Variants in FOXP1 observed in about 807,000 individuals in gnomAD.
The protein encoded by FOXP1 is forkhead box protein P1.
Under a neutral mutation model 98.2 loss-of-function variants are expected in FOXP1, and 15 were observed. That is an observed-to-expected ratio of 0.15 (90% CI 0.10 to 0.24). The LOEUF (loss-of-function observed/expected upper bound fraction) is 0.24. Among genes scored for constraint, FOXP1 ranks in the 10% least tolerant of loss-of-function variants. The pLI, the probability that FOXP1 is intolerant of heterozygous loss-of-function variation, is 1.00. For synonymous variants in FOXP1, 371 were observed against 314.5 expected, an observed-to-expected ratio of 1.18 and a Z score of -1.90; for missense variants, 633 against 848.5, an observed-to-expected ratio of 0.75 and a Z score of 3.15.
At chr3:71,066,371 A>G (rs2052513074) in intron 7 of FOXP1, among the ~76,000 whole-genome samples, 1 of 152,196 alleles carries the variant, frequency 6.6e-6, no homozygotes, top group South Asian at 2.1e-4. Flanking sequence ...TCTTCACCCT[A>G]AAGTGTTTTT....
intron 4 of FOXP1, among the ~76,000 whole-genome samples, chr3:71,320,814 C>A (rs559847284): frequency 2.0e-5 from 3 of 152,264 alleles, no homozygotes; most frequent in South Asian, 4.1e-4. Flanking sequence ...CTCCCTACTA[C>A]AATGGTTCAG....
chr3:71,263,318 AC>A (rs1299740975), intron 5 of FOXP1, among the ~76,000 whole-genome samples: 4 of 152,200 alleles, frequency 2.6e-5, no homozygotes, highest in Admixed American at 6.5e-5. Context: ...CCTGTGCAAC[AC>A]CACGAAAGCC....
At chr3:71,036,473 A>C (rs927974746) in intron 11 of FOXP1, among the ~76,000 whole-genome samples, 1 of 152,220 alleles carries the variant, frequency 6.6e-6, no homozygotes. Context: ...TGAATCCGAG[A>C]AATACTCGAG....
intron 19 of FOXP1, among the ~76,000 whole-genome samples, chr3:70,967,187 A>G (rs2034985769): frequency 6.6e-6 from 1 of 152,230 alleles, no homozygotes; most frequent in Non-Finnish European, 1.5e-5. Flanking sequence ...CAGTCATACA[A>G]GAGTCCGAAC....
chr3:71,405,748 G>C (rs1449184182), intron 3 of FOXP1, among the ~76,000 whole-genome samples: 1 of 151,400 alleles, frequency 6.6e-6, no homozygotes, highest in African/African-American at 2.4e-5. Context: ...ATTTTTTTGA[G>C]ATGGAGTTTC....
chr3:71,389,254 C>CGGGG lies in FOXP1; in HGVS notation c.-167-30014_-167-30011dup, dbSNP rs1560413261. Among the ~76,000 whole-genome samples the CGGGG allele has an allele frequency of 5.0e-3, 30 of 6,058 alleles. 1 individual carries two copies. Among genetic ancestry groups the CGGGG allele is most frequent in the African/African-American group, 0.01 (20 of 1,936 alleles). 4.0% of individuals were successfully genotyped at this position (6,058 alleles called of 152,430 possible). The stretch of plus-strand genomic sequence containing the variant: ...TGTAAGCGGCGGGGGGGGGGGGGGC[C>CGGGG]GGGGGGGGCGGGTTATAAATTTCAC... On this transcript the variant is annotated intron_variant, in intron 3 of 20. Transcript: ENST00000649528.
At chr3:71,511,715 T>G (rs1029238285) in intron 2 of FOXP1, among the ~76,000 whole-genome samples, 1 of 152,218 alleles carries the variant, frequency 6.6e-6, no homozygotes, top group Admixed American at 6.5e-5. Flanking sequence ...AATGATCACT[T>G]ATAGCAATCC....
intron 11 of FOXP1, among the ~76,000 whole-genome samples, chr3:71,039,619 C>G (rs2048064922): frequency 2.0e-5 from 3 of 152,156 alleles, no homozygotes; most frequent in Admixed American, 2.0e-4. Context: ...TGGCCTCCTG[C>G]TCTGCCTATG....
intron 3 of FOXP1, among the ~76,000 whole-genome samples, chr3:71,412,751 C>A (rs938135578): frequency 1.3e-5 from 2 of 152,146 alleles, no homozygotes; most frequent in Non-Finnish European, 2.9e-5. Context: ...CTGACTTACC[C>A]CCACCTCTCC....
At chr3:71,538,293 G>A (rs568738745) in intron 2 of FOXP1, among the ~76,000 whole-genome samples, 1 of 152,294 alleles carries the variant, frequency 6.6e-6, no homozygotes, top group South Asian at 2.1e-4. Flanking sequence ...ACCCCCAAAA[G>A]AGATCCTATA....
At chr3:71,168,209 G>A (rs1468015404) in intron 6 of FOXP1, among the ~76,000 whole-genome samples, 1 of 151,942 alleles carries the variant, frequency 6.6e-6, no homozygotes, top group Non-Finnish European at 1.5e-5. Flanking sequence ...GTGAAACACT[G>A]TAACCACATA....
Position 70,970,749 on chromosome 3 carries a change from T to C in FOXP1, c.1709A>G (p.Asn570Ser), listed in dbSNP as rs140161845. 2.3e-3 allele frequency: 3,713 copies of C among 1,613,470 alleles called. 7 individuals carry two copies. Among genetic ancestry groups the C allele is most frequent in the Non-Finnish European group, 2.9e-3 (3,479 of 1,179,482 alleles). Residue 570 changes from asparagine (N) to serine (S), a missense_variant, in exon 19 of 21, where the codon AAT becomes AGT. Around this residue, in one of 6 missense-constraint regions of FOXP1, gnomAD observed 150 missense variants for 163.7 expected, o/e 0.92. Coordinates refer to ENST00000649528, the MANE Select transcript of FOXP1 (RefSeq NM_001349338.3). ...QSSHAYCTPL[N>S]AALQASMAEN... ...CGTTAATCTTACCTGTAAAGCTGCA[T>C]TGAGAGGTGTGCAGTAGGCGTGGCT...
intron 3 of FOXP1, among the ~76,000 whole-genome samples, chr3:71,374,520 G>C (rs1324423357): frequency 6.6e-6 from 1 of 151,882 alleles, no homozygotes; most frequent in South Asian, 2.1e-4. Flanking sequence ...TTGAACCTGG[G>C]AGAAAGAGGT....
At chr3:71,093,030 G>A (rs2056054999) in intron 7 of FOXP1, among the ~76,000 whole-genome samples, 1 of 152,076 alleles carries the variant, frequency 6.6e-6, no homozygotes, top group South Asian at 2.1e-4. Context: ...GGAGGCCAAG[G>A]CAGGCAGATC....
rs1002521706 is a variant in FOXP1 at position 71,275,741 on chromosome 3, G to A, written c.-12+24079C>T. ...GTGTATGTGAGGCTTCTGGGCATGC[G>A]CCGTATTATTAGAGTTACACAATGT... On this transcript the variant is annotated intron_variant, in intron 5 of 20. Transcript: ENST00000649528. Among the ~76,000 whole-genome samples, 10 of 152,132 alleles carry A rather than the reference G, an allele frequency of 6.6e-5. No individual in the cohort carries two copies. In the East Asian group the frequency reaches 1.7e-3, roughly 26 times the overall value.
At chr3:71,419,057 A>G (rs1042877001) in intron 3 of FOXP1, among the ~76,000 whole-genome samples, 1 of 151,858 alleles carries the variant, frequency 6.6e-6, no homozygotes, top group African/African-American at 2.4e-5. Flanking sequence ...CAACATGGTG[A>G]AACCCCATCT....
At chr3:71,194,894 T>C (rs1261868537) in intron 6 of FOXP1, among the ~76,000 whole-genome samples, 2 of 152,212 alleles carry the variant, frequency 1.3e-5, no homozygotes, top group Non-Finnish European at 2.9e-5. Context: ...TTTGTGAGTG[T>C]GTTGGCGGGC....
chr3:71,236,796 C>T (rs2066816258), intron 5 of FOXP1, among the ~76,000 whole-genome samples: 1 of 151,780 alleles, frequency 6.6e-6, no homozygotes, highest in Admixed American at 6.6e-5. Context: ...CAGTTTGAGC[C>T]CAGGTGGCTG....
intron 16 of FOXP1, 70 bp downstream of exon 16, chr3:70,977,573 C>T (rs1575802869): frequency 7.5e-7 from 1 of 1,333,336 alleles, no homozygotes; most frequent in East Asian, 2.3e-5. Flanking sequence ...TTTAAATCTA[C>T]TTCATCAATA....
Sources: gnomAD v4.1 joint callset for allele counts (sites outside exome capture counted in the v4.1 genomes callset) on GRCh38, gnomAD v4.1.1 for gene constraint, gnomAD v4.1.1 regional missense constraint, MANE v1.5 for transcripts, NCBI Gene and HGNC (gene_info 2026-07-23, HGNC 2026-07-21) for gene names.